The following TGIF1 variants were observed in gnomAD, a reference collection of about 807,000 sequenced individuals.
The protein encoded by TGIF1 is homeobox protein TGIF1.
TGIF1 carries 4 observed loss-of-function variants against 19.3 expected under a neutral mutation model. That is an observed-to-expected ratio of 0.21 (90% CI 0.10 to 0.47). TGIF1 has a LOEUF of 0.47. TGIF1 is among the 20% of genes least tolerant of loss of function. The probability of loss-of-function intolerance (pLI) is 0.98; values close to 1 mark genes in which losing one functional copy is unlikely to be tolerated. For missense variants in TGIF1, 275 were observed against 341.4 expected (o/e 0.81, Z 1.53); for synonymous variants, 122 against 129.3 (o/e 0.94, Z 0.38).
At chr18:3,433,536 T>A (rs190838882) in intron 2 of TGIF1, among the ~76,000 whole-genome samples, 3 of 152,330 alleles carry the variant, frequency 2.0e-5, no homozygotes, top group Admixed American at 1.3e-4. Flanking sequence ...TCTACTTTTA[T>A]GAAAAACCTA....
chr18:3,423,073 G>A (rs2143146520), intron 2 of TGIF1, among the ~76,000 whole-genome samples: 1 of 152,198 alleles, frequency 6.6e-6, no homozygotes, highest in Admixed American at 6.5e-5. Context: ...GCAATCACCT[G>A]CAGTACTCAT....
chr18:3,420,106 G>A (rs1390366421), intron 2 of TGIF1, among the ~76,000 whole-genome samples: 1 of 152,186 alleles, frequency 6.6e-6, no homozygotes, highest in Non-Finnish European at 1.5e-5. Flanking sequence ...GGCCAGGCAT[G>A]GTGGCTCAAG....
chr18:3,420,147 G>A (rs890206935), intron 2 of TGIF1, among the ~76,000 whole-genome samples: 1 of 152,192 alleles, frequency 6.6e-6, no homozygotes, highest in Non-Finnish European at 1.5e-5. Flanking sequence ...GGAGGACAAG[G>A]TGGGTGGATC....
upstream of TGIF1, among the ~76,000 whole-genome samples, chr18:3,445,362 C>T (rs1349536062): frequency 1.3e-5 from 2 of 152,084 alleles, no homozygotes; most frequent in Non-Finnish European, 2.9e-5. Flanking sequence ...GGGCAGTTAC[C>T]AGGTCGGCCA....
chr18:3,429,984 T>C (rs749607956), intron 2 of TGIF1, among the ~76,000 whole-genome samples: 1 of 152,136 alleles, frequency 6.6e-6, no homozygotes, highest in Non-Finnish European at 1.5e-5. Flanking sequence ...GCAAAACCCC[T>C]TCTCTACTAA....
In TGIF1 at chr18:3,422,681, T is replaced by TGCC. The variant is rs2082418081; in HGVS notation, c.-45+4466_-45+4467insGCC. Among the ~76,000 whole-genome samples the TGCC allele has an allele frequency of 8.1e-5, 10 of 123,894 alleles. No homozygotes were observed. In the East Asian group the frequency reaches 9.3e-4, roughly 11 times the overall value. The allele number at this position is 123,894 out of a possible 152,430, so 81.3% of individuals were successfully genotyped here. On this transcript the variant is annotated intron_variant, in intron 2 of 3. Transcript: ENST00000401449. Reference sequence around the variant, plus strand: ...TGCCCTATATAGGTGGCCTTTTTTTTTTTTTTTTTTTTTTTTTTTTTTTTT... The same window carrying TGCC: ...TGCCCTATATAGGTGGCCTTTTTTTTGCCTTTTTTTTTTTTTTTTTTTTTTTTT...
intron 1 of TGIF1, chr18:3,452,313 CT>C: frequency 1.9e-6 from 3 of 1,612,996 alleles, no homozygotes; most frequent in Non-Finnish European, 8.5e-7. Flanking sequence ...TCGGTGGGAA[CT>C]TCCGCGGTCC....
intron 1 of TGIF1, 138 bp downstream of exon 1, chr18:3,450,643 T>C: frequency 6.6e-7 from 1 of 1,512,432 alleles, no homozygotes; most frequent in Non-Finnish European, 8.9e-7. Context: ...GTGCTCTTTG[T>C]TGAGGCTGCG....
chr18:3,436,663 A>T (rs1436174681), intron 2 of TGIF1, among the ~76,000 whole-genome samples: 1 of 151,740 alleles, frequency 6.6e-6, no homozygotes, highest in Non-Finnish European at 1.5e-5. Flanking sequence ...TACTAAAAAT[A>T]CAAAAATTAG....
intron 2 of TGIF1, among the ~76,000 whole-genome samples, chr18:3,444,614 TTTTG>T (rs2082717367): frequency 2.6e-5 from 4 of 152,296 alleles, no homozygotes; most frequent in Middle Eastern, 3.4e-3. Context: ...TACATAAAGG[TTTTG>T]TTTGTTTTTG....
chr18:3,457,347 G>T lies in TGIF1; in HGVS notation c.244-18G>T, dbSNP rs1192799385. ...GAGTGAATGAGGAAAATGTTAAAGC[G>T]TACCGATATGATTTCAGGTCTGTAA... On this transcript the variant is annotated intron_variant, in intron 2 of 2. Transcript: ENST00000343820. This position sits in a 1 kb window ranked among gnomAD's most constrained non-coding sequence, Gnocchi z 4.9. The T allele has an allele frequency of 6.2e-7, 1 of 1,613,696 alleles. No individual in the cohort carries two copies. The highest frequency in any genetic ancestry group is 1.1e-5 in the South Asian group (1 of 91,020).
At chr18:3,415,554 C>A in intron 1 of TGIF1, 1 of 345,720 alleles carries the variant, frequency 2.9e-6, no homozygotes, top group Admixed American at 3.0e-5. Context: ...CAGACCAGGA[C>A]CCTCCAGCTC....
chr18:3,428,788 T>C (rs1355846670), intron 2 of TGIF1, among the ~76,000 whole-genome samples: 1 of 151,746 alleles, frequency 6.6e-6, no homozygotes, highest in Non-Finnish European at 1.5e-5. Flanking sequence ...ACGCCTGAGA[T>C]CCTAGCACTT....
Position 3,458,478 on chromosome 18 carries a change from C to G in TGIF1, c.*538C>G, listed in dbSNP as rs113796695. The stretch of plus-strand genomic sequence containing the variant: ...TAAAAATAAGTAGGAATATAGCACC[C>G]CAGTGAGCAGGAAGCTGGGGGGGTA... On this transcript the variant is annotated 3_prime_UTR_variant, in exon 3 of 3. Transcript: ENST00000343820. 5,315 of 163,462 alleles carry G rather than the reference C, an allele frequency of 0.033. 122 individuals carry two copies. The highest frequency in any genetic ancestry group is 0.066 in the Middle Eastern group (21 of 318). 10.1% of individuals were successfully genotyped at this position (163,462 alleles called of 1,614,324 possible). A position where few individuals can be genotyped will look rare whatever the true frequency, so the allele number is the denominator to read the frequency against.
At chr18:3,449,538 T>TTGCCCCCCCCC, upstream of TGIF1, 4 of 961,942 alleles carry the variant, frequency 4.2e-6, no homozygotes, top group East Asian at 1.2e-4. Context: ...GTCTCATCAT[T>TTGCCCCCCCCC]CCCCCCCGCC....
intron 1 of TGIF1, among the ~76,000 whole-genome samples, chr18:3,414,600 T>G (rs1159610498): frequency 6.6e-6 from 1 of 152,224 alleles, no homozygotes; most frequent in African/African-American, 2.4e-5. Flanking sequence ...CTTAAAGAGG[T>G]GACCCATCTG....
chr18:3,448,412 C>T (rs1237908708), upstream of TGIF1: 36 of 999,006 alleles, frequency 3.6e-5, no homozygotes, highest in East Asian at 1.6e-3. Flanking sequence ...ACATCTGTCC[C>T]GCACCGGGCG....
chr18:3,451,627 C>T lies in TGIF1; in HGVS notation c.16+1122C>T. Reference sequence around the variant, plus strand: ...CAGACCCGGCCCGCTGCGGGGCGTTCCTGGGGGGTAGCCTCAAGGCCAGCG... The same window carrying T: ...CAGACCCGGCCCGCTGCGGGGCGTTTCTGGGGGGTAGCCTCAAGGCCAGCG... On this transcript the variant is annotated intron_variant, in intron 1 of 2. Coordinates refer to ENST00000343820, the MANE Select transcript of TGIF1 (RefSeq NM_003244.4). This position sits in a 1 kb window ranked among gnomAD's most constrained non-coding sequence, Gnocchi z 5.4. The T allele has an allele frequency of 9.1e-7, 1 of 1,102,488 alleles. No individual in the cohort carries two copies. The highest frequency in any genetic ancestry group is 1.1e-6 in the Non-Finnish European group (1 of 906,180). 68.3% of individuals were successfully genotyped at this position (1,102,488 alleles called of 1,614,324 possible).
intron 2 of TGIF1, among the ~76,000 whole-genome samples, chr18:3,436,639 T>G (rs1207811271): frequency 6.6e-6 from 1 of 151,178 alleles, no homozygotes; most frequent in Non-Finnish European, 1.5e-5. Context: ...GCCAACGTGG[T>G]GAAAGCCCGT....
Sources: allele counts gnomAD v4.1 joint callset (sites outside exome capture counted in the v4.1 genomes callset), GRCh38; gene constraint gnomAD v4.1.1; non-coding constraint Gnocchi (gnomAD v3.1); transcripts MANE v1.5; gene names NCBI Gene and HGNC (gene_info 2026-07-23, HGNC 2026-07-21).